SLC17A8: variants seen among roughly 807,000 people sequenced by gnomAD.
SLC17A8 encodes the protein vesicular glutamate transporter 3.
SLC17A8 carries 31 observed loss-of-function variants against 58.0 expected under a neutral mutation model. The ratio of observed to expected loss-of-function variants is 0.53; its 90% CI spans 0.40 to 0.72. The LOEUF (loss-of-function observed/expected upper bound fraction) is 0.72, where lower values mean the gene tolerates loss of function less well. Ranked by LOEUF, SLC17A8 falls within the 30% of genes least tolerant of loss-of-function variation. SLC17A8 has a pLI of 0.00. For synonymous variants in SLC17A8, 228 were observed against 249.0 expected, an observed-to-expected ratio of 0.92 and a Z score of 0.79; for missense variants, 655 against 727.8, an observed-to-expected ratio of 0.90 and a Z score of 1.15.
rs1555328012 is a variant in SLC17A8 at position 100,421,669 on chromosome 12, T to TG, written c.*1510_*1511insG. ...TATTATTGTAAAGTGTTTTTTTTTT[T>TG]TTTTTTTTTTTCTAATTTCTCCCAC... On this transcript the variant is annotated 3_prime_UTR_variant, in exon 12 of 12. Transcript: ENST00000323346. 3 of 149,664 alleles carry TG rather than the reference T, an allele frequency of 2.0e-5. No individual in the cohort carries two copies. Among genetic ancestry groups the TG allele is most frequent in the South Asian group, 2.1e-4 (1 of 4,748 alleles). The allele number at this position is 149,664 out of a possible 1,614,324, so 9.3% of individuals were successfully genotyped here.
chr12:100,369,429 G>A (rs1443320552), intron 1 of SLC17A8, among the ~76,000 whole-genome samples: 1 of 152,212 alleles, frequency 6.6e-6, no homozygotes, highest in Non-Finnish European at 1.5e-5. Context: ...ACCACTGCCT[G>A]CTTCTAAGTG....
intron 8 of SLC17A8, 75 bp from the exon 9 acceptor site, chr12:100,403,963 A>T: frequency 6.4e-7 from 1 of 1,562,308 alleles, no homozygotes; most frequent in Middle Eastern, 1.7e-4. Flanking sequence ...TGTGGAGTGG[A>T]GGTGGGCAAG....
rs1952946222 is a variant in SLC17A8, at chr12:100,421,254, A to T, written c.*1095A>T. Reference sequence around the variant, plus strand: ...TGAAAGAATTTTCTATTTTTAAAAAATGTATCTCTTTAGCCTTTTCTGCTG... The same window carrying T: ...TGAAAGAATTTTCTATTTTTAAAAATTGTATCTCTTTAGCCTTTTCTGCTG... On this transcript the variant is annotated 3_prime_UTR_variant, in exon 12 of 12. Coordinates refer to ENST00000323346, the MANE Select transcript of SLC17A8 (RefSeq NM_139319.3). 1 of 152,162 alleles carries T rather than the reference A, an allele frequency of 6.6e-6. No individual in the cohort carries two copies. The highest frequency in any genetic ancestry group is 1.5e-5 in the Non-Finnish European group (1 of 68,020). 9.4% of individuals were successfully genotyped at this position (152,162 alleles called of 1,614,324 possible).
intron 2 of SLC17A8, among the ~76,000 whole-genome samples, chr12:100,386,775 GC>G (rs1952678036): frequency 6.7e-6 from 1 of 148,418 alleles, no homozygotes; most frequent in South Asian, 2.1e-4. Context: ...TGCAACTTCC[GC>G]CTCCCAGGTT....
At chr12:100,409,985 G>A (rs1952855045) in intron 9 of SLC17A8, among the ~76,000 whole-genome samples, 1 of 152,196 alleles carries the variant, frequency 6.6e-6, no homozygotes, top group African/African-American at 2.4e-5. Context: ...AAGCACAGGA[G>A]CAAATAATGA....
intron 1 of SLC17A8, among the ~76,000 whole-genome samples, chr12:100,359,125 A>C (rs1473690713): frequency 6.6e-6 from 1 of 152,062 alleles, no homozygotes; most frequent in Non-Finnish European, 1.5e-5. Flanking sequence ...ACAGAGTCAG[A>C]CTCTGTCTCA....
intron 4 of SLC17A8, among the ~76,000 whole-genome samples, chr12:100,394,398 C>CTTTTTTTTTTT (rs34047250): frequency 8.9e-6 from 1 of 112,758 alleles, no homozygotes. Context: ...ACATCTTTTC[C>CTTTTTTTTTTT]TTTTTTTTTT....
chr12:100,370,062 C>T (rs1952548783), intron 1 of SLC17A8, among the ~76,000 whole-genome samples: 1 of 151,882 alleles, frequency 6.6e-6, no homozygotes, highest in East Asian at 1.9e-4. Context: ...TATATGTTTG[C>T]TTGTTTCTGC....
chr12:100,359,153 A>G (rs187785582), intron 1 of SLC17A8, among the ~76,000 whole-genome samples: 1 of 152,268 alleles, frequency 6.6e-6, no homozygotes, highest in African/African-American at 2.4e-5. Flanking sequence ...AAAAAATAAA[A>G]TAAATTTAAA....
intron 1 of SLC17A8, among the ~76,000 whole-genome samples, chr12:100,371,123 TCTC>T (rs1223711890): frequency 6.6e-6 from 1 of 152,196 alleles, no homozygotes; most frequent in African/African-American, 2.4e-5. Flanking sequence ...TATTTTAAAT[TCTC>T]CTTCCTTTCT....
intron 2 of SLC17A8, among the ~76,000 whole-genome samples, chr12:100,387,780 A>T (rs1952686657): frequency 6.6e-6 from 1 of 152,140 alleles, no homozygotes; most frequent in Non-Finnish European, 1.5e-5. Flanking sequence ...TTTCCTTGCA[A>T]ATAGTTGTAT....
At chr12:100,402,542 C>T in intron 7 of SLC17A8, 54 bp from the exon 8 acceptor site, 1 of 1,612,298 alleles carries the variant, frequency 6.2e-7, no homozygotes, top group Non-Finnish European at 8.5e-7. Context: ...TGCCTTCTTA[C>T]AGAAAAAATG....
intron 6 of SLC17A8, 107 bp downstream of exon 6, chr12:100,401,970 C>G: frequency 1.1e-6 from 1 of 883,750 alleles, no homozygotes; most frequent in South Asian, 1.3e-5. Context: ...ATTACTAAAA[C>G]AAGTTTATTG....
chr12:100,403,997 A>G (rs1566401164), intron 8 of SLC17A8, 41 bp from the exon 9 acceptor site: 3 of 1,613,398 alleles, frequency 1.9e-6, no homozygotes, highest in Non-Finnish European at 2.5e-6. Flanking sequence ...CCCCTCTCTC[A>G]GAAATAATGA....
chr12:100,380,556 A>G (rs1952627791), intron 1 of SLC17A8, 145 bp from the exon 2 acceptor site: 3 of 506,054 alleles, frequency 5.9e-6, no homozygotes, highest in Non-Finnish European at 9.7e-6. Context: ...TACTTTAATA[A>G]TAATAGTAAT....
intron 11 of SLC17A8, among the ~76,000 whole-genome samples, chr12:100,419,023 A>AC (rs956129695): frequency 6.6e-6 from 1 of 152,168 alleles, no homozygotes; most frequent in Non-Finnish European, 1.5e-5. Context: ...TTTTTGACAT[A>AC]CTTTTTTTTA....
At chr12:100,407,356 T>C (rs1266894203) in intron 9 of SLC17A8, among the ~76,000 whole-genome samples, 1 of 152,234 alleles carries the variant, frequency 6.6e-6, no homozygotes, top group Admixed American at 6.5e-5. Flanking sequence ...GTCTTGTTCC[T>C]ATTTAATTCT....
intron 7 of SLC17A8, 44 bp from the exon 8 acceptor site, chr12:100,402,552 G>A: frequency 2.5e-6 from 4 of 1,612,824 alleles, no homozygotes; most frequent in Non-Finnish European, 3.4e-6. Context: ...CAGAAAAAAT[G>A]TCAATATCTT....
rs1333139119 is a variant in SLC17A8, at chr12:100,379,434, CCAAAAAAA to C, written c.102-1266_102-1259del. The stretch of plus-strand genomic sequence containing the variant: ...CTGGCAACAGACCGAGATTCCGTCC[CCAAAAAAA>C]AAAAAAAAAGAACCTGCCAAGGTTA... On this transcript the variant is annotated intron_variant, in intron 1 of 11. Coordinates refer to ENST00000323346, the MANE Select transcript of SLC17A8 (RefSeq NM_139319.3). Among the ~76,000 whole-genome samples the C allele has an allele frequency of 6.6e-5, 9 of 137,382 alleles. No individual in the cohort carries two copies. The East Asian group carries it at 2.0e-3, about 30-fold the overall frequency. 90.1% of individuals were successfully genotyped at this position (137,382 alleles called of 152,430 possible). A position where few individuals can be genotyped will look rare whatever the true frequency, so the allele number is the denominator to read the frequency against.
Sources: allele counts gnomAD v4.1 joint callset (sites outside exome capture counted in the v4.1 genomes callset), GRCh38; gene constraint gnomAD v4.1.1; transcripts MANE v1.5; gene names NCBI Gene and HGNC (gene_info 2026-07-23, HGNC 2026-07-21).